The following ABCC1 variants were observed in gnomAD, a reference collection of about 807,000 sequenced individuals.
ABCC1 encodes ATP binding cassette subfamily C member 1 (ABCC1 blood group), also known as multidrug resistance-associated protein 1.
ABCC1 carries 83 observed loss-of-function variants against 172.9 expected under a neutral mutation model. The ratio of observed to expected loss-of-function variants is 0.48; its 90% CI spans 0.40 to 0.58. ABCC1 has a LOEUF of 0.58. Ranked by LOEUF, ABCC1 falls within the 20% of genes least tolerant of loss-of-function variation. The pLI, the probability that ABCC1 is intolerant of heterozygous loss-of-function variation, is 0.00. For synonymous variants in ABCC1, 937 were observed against 825.2 expected (o/e 1.14, Z -2.32); for missense variants, 1,817 against 2,002.7 (o/e 0.91, Z 1.77).
rs1229120248 is a variant in ABCC1, at chr16:16,005,286, C to T, written c.49-2530C>T. Among the ~76,000 whole-genome samples, 6 of 151,626 alleles carry T rather than the reference C, an allele frequency of 4.0e-5. No homozygotes were observed. The South Asian group carries it at 1.0e-3, about 26-fold the overall frequency. ...AACTGGGCCTAATCTAAAGATTGGC[C>T]CCTCCCAGCTCCTACTGATGGTCAT... On this transcript the variant is annotated intron_variant, in intron 1 of 30. Transcript: ENST00000399410.
intron 1 of ABCC1, among the ~76,000 whole-genome samples, chr16:15,979,406 A>C (rs1466751059): frequency 6.6e-6 from 1 of 150,522 alleles, no homozygotes; most frequent in Non-Finnish European, 1.5e-5. Flanking sequence ...TGTATTTATT[A>C]ATTCTTTTGA....
chr16:16,045,255 G>T (rs1161869383), intron 8 of ABCC1, among the ~76,000 whole-genome samples: 2 of 151,746 alleles, frequency 1.3e-5, no homozygotes, highest in South Asian at 4.2e-4. Flanking sequence ...AAAATTAGCC[G>T]GGCGTGGTGG....
At chr16:16,088,718 T>TC (rs1449072841) in intron 18 of ABCC1, among the ~76,000 whole-genome samples, 4 of 148,302 alleles carry the variant, frequency 2.7e-5, no homozygotes, top group Non-Finnish European at 5.9e-5. Flanking sequence ...TTTTTTCTTT[T>TC]TTTTTCTGCA....
At chr16:15,976,092 C>A (rs1023791161) in intron 1 of ABCC1, among the ~76,000 whole-genome samples, 5 of 151,918 alleles carry the variant, frequency 3.3e-5, no homozygotes, top group African/African-American at 1.2e-4. Context: ...ATGGTGAAAT[C>A]CCGTCTCTAC....
intron 28 of ABCC1, among the ~76,000 whole-genome samples, chr16:16,134,775 T>TACTCAGGAGTCCC: frequency 6.6e-6 from 1 of 152,202 alleles, no homozygotes; most frequent in South Asian, 2.1e-4. Context: ...TAGCTGGGAC[T>TACTCAGGAGTCCC]ACAGGCACAT....
At chr16:16,125,754 G>T in intron 25 of ABCC1, 56 bp from the exon 26 acceptor site, 4 of 780,094 alleles carry the variant, frequency 5.1e-6, no homozygotes, top group South Asian at 2.3e-5. Flanking sequence ...AAAGAAAAAG[G>T]AAAGTCAAGT....
chr16:16,034,555 A>G (rs1407393436), intron 6 of ABCC1, among the ~76,000 whole-genome samples: 1 of 151,332 alleles, frequency 6.6e-6, no homozygotes, highest in Non-Finnish European at 1.5e-5. Context: ...TTCTTGGGTA[A>G]AGGCATGTAG....
chr16:16,125,805 C>CA lies in ABCC1; in HGVS notation c.3718-4dup. The CA allele has an allele frequency of 6.2e-7, 1 of 1,610,670 alleles. No individual in the cohort carries two copies. Among genetic ancestry groups the CA allele is most frequent in the Non-Finnish European group, 8.5e-7 (1 of 1,177,682 alleles). On this transcript the variant is annotated splice_region_variant and splice_polypyrimidine_tract_variant and intron_variant, in intron 25 of 30. Transcript: ENST00000399410. ...AGAAATGCCACGTGACTCTTCCACTCACAGGTCACCACGTACTTGAACTGG... is the reference window on the plus strand; with the variant it reads ...AGAAATGCCACGTGACTCTTCCACTCAACAGGTCACCACGTACTTGAACTGG...
At chr16:16,069,732 AG>A (rs1043889031) in intron 13 of ABCC1, among the ~76,000 whole-genome samples, 31 of 152,186 alleles carry the variant, frequency 2.0e-4, no homozygotes, top group East Asian at 7.7e-4. Flanking sequence ...AAAAAGAAAA[AG>A]AAAAAAAAAG....
At chr16:16,012,549 A>G (rs1479472248) in intron 3 of ABCC1, among the ~76,000 whole-genome samples, 1 of 146,172 alleles carries the variant, frequency 6.8e-6, no homozygotes, top group African/African-American at 2.5e-5. Flanking sequence ...TGCCCAGGCT[A>G]GTCTTAAACT....
At chr16:16,103,720 A>C (rs1023453963) in intron 20 of ABCC1, among the ~76,000 whole-genome samples, 1 of 152,246 alleles carries the variant, frequency 6.6e-6, no homozygotes, top group Non-Finnish European at 1.5e-5. Flanking sequence ...TACAGGGGTC[A>C]GGAGAGAGCA....
chr16:15,982,446 G>C (rs929089267), intron 1 of ABCC1, among the ~76,000 whole-genome samples: 41 of 152,020 alleles, frequency 2.7e-4, no homozygotes, highest in Non-Finnish European at 4.7e-4. Context: ...CTGAGCAAAA[G>C]TGCTTCTTTT....
intron 12 of ABCC1, among the ~76,000 whole-genome samples, chr16:16,065,667 A>G (rs986053487): frequency 2.0e-5 from 3 of 152,158 alleles, no homozygotes; most frequent in African/African-American, 4.8e-5. Context: ...TCCTGACTTC[A>G]GGAGATCCAC....
intron 7 of ABCC1, among the ~76,000 whole-genome samples, chr16:16,037,622 G>A (rs2048807315): frequency 6.6e-6 from 1 of 152,172 alleles, no homozygotes; most frequent in Admixed American, 6.5e-5. Context: ...TTTTGTTCCT[G>A]TTGCCTGTTC....
intron 5 of ABCC1, among the ~76,000 whole-genome samples, chr16:16,018,290 T>C (rs993462077): frequency 6.6e-6 from 1 of 152,134 alleles, no homozygotes; most frequent in African/African-American, 2.4e-5. Flanking sequence ...GGCTCACACC[T>C]GTAATCGCAG....
intron 7 of ABCC1, among the ~76,000 whole-genome samples, chr16:16,041,094 A>AT (rs35254618): frequency 0.043 from 5,760 of 133,076 alleles, 459 homozygotes; most frequent in African/African-American, 0.15. Context: ...CACCTGGCTA[A>AT]TTTTTTTTTT....
At chr16:16,068,922 G>A (rs1380826931) in intron 13 of ABCC1, among the ~76,000 whole-genome samples, 1 of 151,478 alleles carries the variant, frequency 6.6e-6, no homozygotes, top group Non-Finnish European at 1.5e-5. Flanking sequence ...AGGAGGAAGA[G>A]GTTGCAGTGA....
intron 4 of ABCC1, 119 bp downstream of exon 4, chr16:16,014,747 T>A: frequency 1.7e-6 from 2 of 1,192,256 alleles, no homozygotes; most frequent in South Asian, 2.9e-5. Context: ...GGGTACCACA[T>A]GCACCTAGCT....
intron 1 of ABCC1, among the ~76,000 whole-genome samples, chr16:15,985,255 G>T (rs541712805): frequency 2.0e-5 from 3 of 152,318 alleles, no homozygotes; most frequent in South Asian, 4.1e-4. Flanking sequence ...CATTAGAAAT[G>T]CCCTGGGAGG....
Sources: gnomAD v4.1 joint callset for allele counts (sites outside exome capture counted in the v4.1 genomes callset) on GRCh38, gnomAD v4.1.1 for gene constraint, MANE v1.5 for transcripts, NCBI Gene and HGNC (gene_info 2026-07-23, HGNC 2026-07-21) for gene names.